SOX5: variants seen among roughly 807,000 people sequenced by gnomAD.
The protein encoded by SOX5 is transcription factor SOX-5.
SOX5 carries 9 observed loss-of-function variants against 92.0 expected under a neutral mutation model. The observed-to-expected ratio is 0.10, with a 90% CI of 0.06 to 0.17. SOX5 has a LOEUF of 0.17. Among genes scored for constraint, SOX5 ranks in the 10% least tolerant of loss-of-function variants. The pLI is 1.00. For synonymous variants in SOX5, 344 were observed against 336.3 expected (o/e 1.02, Z -0.25); for missense variants, 642 against 944.5 (o/e 0.68, Z 4.20).
At chr12:23,849,536 G>C (rs981577851) in intron 2 of SOX5, among the ~76,000 whole-genome samples, 7 of 152,086 alleles carry the variant, frequency 4.6e-5, no homozygotes, top group African/African-American at 1.7e-4. Context: ...GGGCTCCAGA[G>C]CCCTCATTCT....
At chr12:24,309,229 C>T (rs894367396) in intron 2 of SOX5, among the ~76,000 whole-genome samples, 7 of 152,104 alleles carry the variant, frequency 4.6e-5, no homozygotes, top group Non-Finnish European at 1.0e-4. Context: ...TTCAGCAGAG[C>T]CTGATTATCA....
intron 1 of SOX5, among the ~76,000 whole-genome samples, chr12:24,505,441 GA>G (rs1281422794): frequency 1.3e-5 from 2 of 151,618 alleles, no homozygotes; most frequent in Non-Finnish European, 2.9e-5. Context: ...TGTAACAATT[GA>G]AAAAAAATAA....
chr12:24,079,848 G>A (rs1475118715), intron 4 of SOX5, among the ~76,000 whole-genome samples: 1 of 151,868 alleles, frequency 6.6e-6, no homozygotes, highest in Non-Finnish European at 1.5e-5. Flanking sequence ...ACAGTCGAGA[G>A]CCGATCTGTA....
intron 4 of SOX5, among the ~76,000 whole-genome samples, chr12:23,753,998 T>C (rs571866762): frequency 1.1e-4 from 17 of 151,862 alleles, no homozygotes; most frequent in African/African-American, 4.1e-4. Context: ...GAAAACAGTG[T>C]TTTGAACAGA....
At chr12:23,859,294 T>C (rs768619400) in intron 2 of SOX5, among the ~76,000 whole-genome samples, 18 of 152,222 alleles carry the variant, frequency 1.2e-4, no homozygotes, top group South Asian at 6.2e-4. Flanking sequence ...TATTAATAAT[T>C]GATAACCCTG....
chr12:23,706,130 T>A (rs2091360399), intron 6 of SOX5, among the ~76,000 whole-genome samples: 1 of 152,054 alleles, frequency 6.6e-6, no homozygotes, highest in South Asian at 2.1e-4. Flanking sequence ...ACATAATCCC[T>A]TGTGTAACTG....
At chr12:24,360,595 C>G (rs1164164607) in intron 2 of SOX5, among the ~76,000 whole-genome samples, 1 of 152,132 alleles carries the variant, frequency 6.6e-6, no homozygotes, top group Non-Finnish European at 1.5e-5. Context: ...ATATTCTGAC[C>G]TATGCAGCCT....
At chr12:23,962,040 C>T (rs1420690208) in intron 4 of SOX5, among the ~76,000 whole-genome samples, 1 of 152,086 alleles carries the variant, frequency 6.6e-6, no homozygotes. Flanking sequence ...CATTGAATTT[C>T]ACATAATGGT....
At chr12:24,188,223 CAG>C (rs1333385172) in intron 4 of SOX5, among the ~76,000 whole-genome samples, 1 of 152,066 alleles carries the variant, frequency 6.6e-6, no homozygotes, top group Admixed American at 6.6e-5. Flanking sequence ...GGCAAAGAGC[CAG>C]AGTTAGGTAG....
chr12:23,844,789 G>C (rs1241524605), intron 3 of SOX5, among the ~76,000 whole-genome samples: 1 of 152,044 alleles, frequency 6.6e-6, no homozygotes, highest in Non-Finnish European at 1.5e-5. Context: ...TTATAAAACT[G>C]TCTTATTTTT....
intron 4 of SOX5, among the ~76,000 whole-genome samples, chr12:24,021,971 G>A (rs770655888): frequency 7.2e-5 from 11 of 152,112 alleles, no homozygotes; most frequent in Non-Finnish European, 1.2e-4. Flanking sequence ...TTATGTATTT[G>A]TTCACTTCTT....
chr12:23,751,471 C>T (rs927316635), intron 4 of SOX5, among the ~76,000 whole-genome samples: 1 of 151,706 alleles, frequency 6.6e-6, no homozygotes. Context: ...GATTTTTTAC[C>T]TGGGATCTGA....
intron 4 of SOX5, among the ~76,000 whole-genome samples, chr12:24,162,838 A>G (rs1042302105): frequency 2.0e-5 from 3 of 152,142 alleles, no homozygotes; most frequent in Admixed American, 1.3e-4. Context: ...AGTTTCAAAG[A>G]GCTAAGGAGT....
chr12:24,441,209 C>A (rs1018307690), intron 1 of SOX5, among the ~76,000 whole-genome samples: 1 of 152,068 alleles, frequency 6.6e-6, no homozygotes, highest in Non-Finnish European at 1.5e-5. Context: ...AAAAAAATTC[C>A]CTCCTCCCAT....
At chr12:24,541,736 T>G (rs890737579) in intron 1 of SOX5, among the ~76,000 whole-genome samples, 2 of 152,316 alleles carry the variant, frequency 1.3e-5, no homozygotes, top group Admixed American at 1.3e-4. Context: ...CCCTATTGTT[T>G]TGAGAACATA....
At chr12:23,931,000 T>C (rs528926102) in intron 1 of SOX5, among the ~76,000 whole-genome samples, 39 of 151,822 alleles carry the variant, frequency 2.6e-4, no homozygotes, top group Admixed American at 5.9e-4. Context: ...TTGCTTAGTA[T>C]GTCTCTCCCA....
chr12:23,584,865 C>T (rs11046993), intron 9 of SOX5, among the ~76,000 whole-genome samples: 36,615 of 151,746 alleles, frequency 0.24, 4,920 homozygotes, highest in Middle Eastern at 0.31. Context: ...CACTGTATTT[C>T]ATTTTATTGT....
chr12:24,364,699 A>C (rs1955990135), intron 2 of SOX5, among the ~76,000 whole-genome samples: 1 of 151,922 alleles, frequency 6.6e-6, no homozygotes, highest in Non-Finnish European at 1.5e-5. Context: ...AATGCATAGC[A>C]AGAAAATCTG....
chr12:23,640,472 T>C (rs2138713138), intron 8 of SOX5, among the ~76,000 whole-genome samples: 1 of 152,330 alleles, frequency 6.6e-6, no homozygotes, highest in African/African-American at 2.4e-5. Flanking sequence ...TCCTCAAGTG[T>C]CTGAATATCT....
Sources: gnomAD v4.1 joint callset for allele counts (sites outside exome capture counted in the v4.1 genomes callset) on GRCh38, gnomAD v4.1.1 for gene constraint, MANE v1.5 for transcripts, NCBI Gene and HGNC (gene_info 2026-07-23, HGNC 2026-07-21) for gene names.